The following GLOD4 variants were observed in gnomAD, a reference collection of about 807,000 sequenced individuals.
GLOD4 encodes glyoxalase domain-containing protein 4.
GLOD4 carries 44 observed loss-of-function variants against 39.1 expected under a neutral mutation model. The observed-to-expected ratio is 1.13, with a 90% CI of 0.88 to 1.45. GLOD4 has a LOEUF of 1.45. GLOD4 is among the 40% of genes most tolerant of loss of function. GLOD4 has a pLI of 0.00. For missense variants in GLOD4, 405 were observed against 366.4 expected (o/e 1.11, Z -0.86); for synonymous variants, 145 against 135.0 (o/e 1.07, Z -0.52).
At chr17:784,764 T>C (rs1910452099), upstream of GLOD4, among the ~76,000 whole-genome samples, 4 of 152,156 alleles carry the variant, frequency 2.6e-5, no homozygotes, top group Admixed American at 2.6e-4. Flanking sequence ...AGGGCCTCCG[T>C]ATAGTGGGTT....
chr17:781,654 A>T (rs888859135), intron 1 of GLOD4, among the ~76,000 whole-genome samples: 2 of 152,130 alleles, frequency 1.3e-5, no homozygotes, highest in Non-Finnish European at 1.5e-5. Context: ...GCTCCTCAGG[A>T]CCCGAGACAG....
upstream of GLOD4, among the ~76,000 whole-genome samples, chr17:784,020 C>G (rs886766150): frequency 2.6e-5 from 4 of 152,176 alleles, no homozygotes; most frequent in African/African-American, 9.7e-5. Context: ...AAGCGAGGTA[C>G]AAGCCACAAT....
intron 8 of GLOD4, among the ~76,000 whole-genome samples, chr17:765,735 C>T (rs936697141): frequency 2.0e-5 from 3 of 151,868 alleles, no homozygotes; most frequent in African/African-American, 7.2e-5. Flanking sequence ...TGAGCCACCG[C>T]ACCCGGCCTA....
upstream of GLOD4, chr17:783,279 G>T (rs202002005): frequency 1.9e-5 from 31 of 1,613,766 alleles, no homozygotes; most frequent in Non-Finnish European, 1.7e-6. Flanking sequence ...GGTGAAATTT[G>T]AGGATATCAA....
At chr17:763,878 C>G (rs984505998) in intron 8 of GLOD4, 4 of 151,992 alleles carry the variant, frequency 2.6e-5, no homozygotes, top group African/African-American at 9.7e-5. Flanking sequence ...TGGACTTCAC[C>G]AAAATAAAAA....
rs34487169 is a variant in GLOD4 at position 779,319 on chromosome 17, T to TAAAAAA, written c.91-581_91-576dup. ...ACAAGAGCAAAATTCCATCTCAAAT[T>TAAAAAA]AAAAAAAAAAAAAAAAAAAAAAAAA... On this transcript the variant is annotated intron_variant, in intron 1 of 8. Transcript: ENST00000301329. Among the ~76,000 whole-genome samples the TAAAAAA allele has an allele frequency of 8.8e-4, 38 of 43,358 alleles. 1 individual carries two copies. The highest frequency in any genetic ancestry group is 1.2e-3 in the Non-Finnish European group (32 of 26,300). 28.4% of individuals were successfully genotyped at this position (43,358 alleles called of 152,430 possible).
upstream of GLOD4, among the ~76,000 whole-genome samples, chr17:785,791 G>A (rs1910504217): frequency 6.6e-6 from 1 of 152,222 alleles, no homozygotes; most frequent in African/African-American, 2.4e-5. Context: ...TTTAAAATGA[G>A]TGATAAAGGA....
intron 2 of GLOD4, 74 bp from the exon 3 acceptor site, chr17:777,062 GCA>G (rs1673189982): frequency 7.1e-7 from 1 of 1,415,510 alleles, no homozygotes; most frequent in Admixed American, 1.7e-5. Flanking sequence ...GAACTACTGG[GCA>G]CAGAGAGATG....
Position 770,642 on chromosome 17 carries a change from C to A in GLOD4, c.544-135G>T. 5.0e-6 allele frequency: 3 copies of A among 603,310 alleles called. No homozygotes were observed. In the Admixed American group the frequency reaches 8.0e-5, roughly 16 times the overall value. The allele number at this position is 603,310 out of a possible 1,614,324, so 37.4% of individuals were successfully genotyped here. The stretch of plus-strand genomic sequence containing the variant: ...CTCTATCCTACTCTCACCCCAGAGA[C>A]AACTAGTCCACACTTTCCTGTGTAT... On this transcript the variant is annotated intron_variant, in intron 5 of 8. Transcript: ENST00000301329.
At chr17:783,205 T>C (rs761946434), upstream of GLOD4, 1 of 1,614,162 alleles carries the variant, frequency 6.2e-7, no homozygotes, top group African/African-American at 1.3e-5. Context: ...ATGTTCTTCT[T>C]TAGCCGTCTA....
At chr17:779,888 G>T (rs752903327) in intron 1 of GLOD4, among the ~76,000 whole-genome samples, 8 of 152,098 alleles carry the variant, frequency 5.3e-5, no homozygotes, top group Non-Finnish European at 1.0e-4. Flanking sequence ...TTATTGGCCG[G>T]GCGCGGTGGC....
At position 778,278 on chromosome 17, in the gene GLOD4, T is replaced by C. The variant is rs115450850; in HGVS notation, c.140+417A>G. On this transcript the variant is annotated intron_variant, in intron 2 of 8. Coordinates refer to ENST00000301329, the MANE Select transcript of GLOD4 (RefSeq NM_016080.4). Reference sequence around the variant, plus strand: ...CATCGGAAATCCTGAAGATCCAGACTGTGACCGGCGCCTGACGTGGCGGAA... The same window carrying C: ...CATCGGAAATCCTGAAGATCCAGACCGTGACCGGCGCCTGACGTGGCGGAA... The C allele has an allele frequency of 1.8e-3, 524 of 295,000 alleles. 3 individuals are homozygous for C. Among genetic ancestry groups the C allele is most frequent in the African/African-American group, 0.01 (488 of 46,496 alleles). 18.3% of individuals were successfully genotyped at this position (295,000 alleles called of 1,614,324 possible). A position where few individuals can be genotyped will look rare whatever the true frequency, so the allele number is the denominator to read the frequency against.
upstream of GLOD4, chr17:783,245 G>A: frequency 6.2e-7 from 1 of 1,614,032 alleles, no homozygotes; most frequent in Non-Finnish European, 8.5e-7. Flanking sequence ...CAGTCGATAA[G>A]CTGAAAGGTG....
chr17:774,976 G>C (rs1320877926), intron 4 of GLOD4, among the ~76,000 whole-genome samples: 1 of 152,080 alleles, frequency 6.6e-6, no homozygotes, highest in Non-Finnish European at 1.5e-5. Context: ...GGCTGAGGCA[G>C]GAGAATCACT....
At chr17:771,251 T>C in intron 5 of GLOD4, 74 bp downstream of exon 5, 1 of 885,806 alleles carries the variant, frequency 1.1e-6, no homozygotes, top group Non-Finnish European at 1.8e-6. Flanking sequence ...TTTATAAAGG[T>C]TATAAGCCAT....
chr17:766,823 T>C lies in GLOD4; in HGVS notation c.831+3046A>G, dbSNP rs573121299. 8.4e-4 allele frequency among the ~76,000 whole-genome samples: 128 copies of C among 152,142 alleles called. No homozygotes were observed. In the Middle Eastern group the frequency reaches 0.014, roughly 16 times the overall value. ...CCGAGGCAGAAGAATCGCTTGACCC[T>C]GGGAGGCGAAGGTTGCAGTGAGGCA... On this transcript the variant is annotated intron_variant, in intron 8 of 8. Coordinates refer to ENST00000301329, the MANE Select transcript of GLOD4 (RefSeq NM_016080.4).
At chr17:783,056 G>GT (rs34512506), upstream of GLOD4, 16,232 of 1,299,646 alleles carry the variant, frequency 0.012, no homozygotes, top group Non-Finnish European at 0.014. Context: ...ATAGTTACCT[G>GT]TTTTTTTTTT....
At chr17:779,873 C>T (rs781443423) in intron 1 of GLOD4, among the ~76,000 whole-genome samples, 27 of 151,742 alleles carry the variant, frequency 1.8e-4, no homozygotes, top group Non-Finnish European at 3.8e-4. Flanking sequence ...TATTAAAAAT[C>T]ATCCTTATTG....
chr17:769,982 T>G (rs1432704879), intron 7 of GLOD4, 27 bp from the exon 8 acceptor site: 2 of 1,569,020 alleles, frequency 1.3e-6, no homozygotes, highest in East Asian at 4.5e-5. Flanking sequence ...AAAAGACACC[T>G]GCCAAAGACA....
Sources: gnomAD v4.1 joint callset for allele counts (sites outside exome capture counted in the v4.1 genomes callset) on GRCh38, gnomAD v4.1.1 for gene constraint, MANE v1.5 for transcripts, NCBI Gene and HGNC (gene_info 2026-07-23, HGNC 2026-07-21) for gene names.